Variants in BBS9 observed in about 807,000 individuals in gnomAD.
BBS9 encodes the protein Bardet-Biedl syndrome 9, also known as protein PTHB1.
In BBS9, 89 loss-of-function variants were observed where a neutral mutation model predicts 117.7. The observed-to-expected ratio is 0.76, with a 90% CI of 0.64 to 0.90. The LOEUF is 0.90. BBS9 is among the 40% of genes least tolerant of loss of function. The pLI is 0.00. For missense variants in BBS9, 982 were observed against 1,042.2 expected (o/e 0.94, Z 0.80); for synonymous variants, 379 against 370.9 (o/e 1.02, Z -0.25).
At chr7:33,331,971 C>A (rs1392977112) in intron 9 of BBS9, among the ~76,000 whole-genome samples, 2 of 152,040 alleles carry the variant, frequency 1.3e-5, no homozygotes, top group Non-Finnish European at 1.5e-5. Flanking sequence ...TCTTATGGAA[C>A]CAAAAAAGAG....
upstream of BBS9, chr7:33,129,288 G>A: frequency 1.8e-6 from 1 of 553,480 alleles, no homozygotes. Flanking sequence ...CGCGGCCGGG[G>A]GGGCGTGGCC....
At chr7:33,307,413 G>A (rs1205649206) in intron 9 of BBS9, among the ~76,000 whole-genome samples, 2 of 151,904 alleles carry the variant, frequency 1.3e-5, no homozygotes, top group African/African-American at 4.8e-5. Flanking sequence ...TTTCAAAAAA[G>A]TTTCTTATTA....
chr7:33,222,868 A>G (rs923363425), intron 5 of BBS9, among the ~76,000 whole-genome samples: 2 of 151,494 alleles, frequency 1.3e-5, no homozygotes, highest in African/African-American at 2.4e-5. Flanking sequence ...TGAAAGAATC[A>G]CTTGAGTCTG....
chr7:33,575,857 C>T (rs182941929), intron 21 of BBS9, among the ~76,000 whole-genome samples: 197 of 146,666 alleles, frequency 1.3e-3, no homozygotes, highest in African/African-American at 5.2e-3. Context: ...ATTCAACAGC[C>T]CTTCATGCTA....
intron 19 of BBS9, among the ~76,000 whole-genome samples, chr7:33,432,368 CA>C (rs762513252): frequency 2.6e-5 from 4 of 151,880 alleles, no homozygotes; most frequent in Non-Finnish European, 5.9e-5. Flanking sequence ...CTCGGCCTCC[CA>C]AAGTGCTGGG....
rs59252892 is a variant in BBS9 at position 33,357,948 on chromosome 7, C to G, written c.1646C>G (p.Thr549Ser). 4.3e-6 allele frequency: 7 copies of G among 1,612,578 alleles called. No homozygotes were observed. Among genetic ancestry groups the G allele is most frequent in the South Asian group, 1.1e-5 (1 of 91,050 alleles). The stretch of plus-strand genomic sequence containing the variant: ...TCAAAAACTGCAAGCCACAAAATTA[C>G]TATTGATACCAACAAATCTCCAGTC... ...QPSKTASHKI[T>S]IDTNKSPVSL... Residue 549 changes from threonine (T) to serine (S), a missense_variant, in exon 16 of 23, where the codon ACT (threonine) becomes AGT (serine). Physicochemically the swap from Thr to Ser is moderately conservative, Grantham distance 58. Coordinates refer to ENST00000242067, the MANE Select transcript of BBS9 (RefSeq NM_198428.3).
At chr7:33,359,888 A>T (rs2128692986) in intron 16 of BBS9, among the ~76,000 whole-genome samples, 1 of 152,218 alleles carries the variant, frequency 6.6e-6, no homozygotes, top group East Asian at 1.9e-4. Context: ...GAAAATGTGG[A>T]TAACCAAAAG....
intron 19 of BBS9, among the ~76,000 whole-genome samples, chr7:33,402,204 C>T (rs531777783): frequency 1.3e-3 from 200 of 152,164 alleles, no homozygotes; most frequent in Middle Eastern, 3.4e-3. Context: ...TCAAGGGGAT[C>T]CCTGTTGCCT....
intron 5 of BBS9, among the ~76,000 whole-genome samples, chr7:33,220,474 G>C (rs1482582903): frequency 1.3e-5 from 2 of 152,190 alleles, no homozygotes; most frequent in Non-Finnish European, 2.9e-5. Context: ...GTGTCCTATT[G>C]TGGTCAGACT....
At chr7:33,294,636 T>G (rs1021544235) in intron 9 of BBS9, among the ~76,000 whole-genome samples, 11 of 152,210 alleles carry the variant, frequency 7.2e-5, no homozygotes, top group African/African-American at 2.7e-4. Flanking sequence ...AGTAATGTTC[T>G]TACTAAATAA....
At chr7:33,469,931 A>T (rs207467768) in intron 19 of BBS9, among the ~76,000 whole-genome samples, 1 of 152,140 alleles carries the variant, frequency 6.6e-6, no homozygotes, top group African/African-American at 2.4e-5. Flanking sequence ...CTTTTTCTCT[A>T]GAGTATATAC....
At chr7:33,395,269 C>T (rs968333515) in intron 19 of BBS9, among the ~76,000 whole-genome samples, 6 of 152,058 alleles carry the variant, frequency 3.9e-5, no homozygotes, top group African/African-American at 1.4e-4. Context: ...TCACTTATAC[C>T]TAAGTTTAGC....
At chr7:33,544,654 T>A (rs925678606) in intron 21 of BBS9, among the ~76,000 whole-genome samples, 1 of 152,132 alleles carries the variant, frequency 6.6e-6, no homozygotes, top group African/African-American at 2.4e-5. Flanking sequence ...AATGCTCTAT[T>A]TTTGTGCTGG....
chr7:33,282,319 C>T (rs562807587), intron 9 of BBS9, among the ~76,000 whole-genome samples: 346 of 152,248 alleles, frequency 2.3e-3, no homozygotes, highest in Admixed American at 4.3e-3. Context: ...TTTCTCTACA[C>T]ACGTGCAAAT....
rs1172282743 is a variant in BBS9, at chr7:33,492,265, A to T, written c.2116-13198A>T. On this transcript the variant is annotated intron_variant, in intron 19 of 22. Coordinates refer to ENST00000242067, the MANE Select transcript of BBS9 (RefSeq NM_198428.3). Reference sequence around the variant, plus strand: ...GTTGAGTGTTTAGCCAGGGAATAATAAATAATAATAATAATGTTAACCTTT... The same window carrying T: ...GTTGAGTGTTTAGCCAGGGAATAATTAATAATAATAATAATGTTAACCTTT... Among the ~76,000 whole-genome samples the T allele has an allele frequency of 5.3e-5, 8 of 151,744 alleles. No homozygotes were observed. In the East Asian group the frequency reaches 5.8e-4, roughly 11 times the overall value.
At chr7:33,534,375 C>T (rs114489178) in intron 21 of BBS9, 199 bp downstream of exon 21, 14,506 of 632,440 alleles carry the variant, frequency 0.023, 221 homozygotes, top group African/African-American at 0.055. Context: ...TAGACATTTC[C>T]AGAATGGTAT....
At chr7:33,408,403 G>C (rs904731106) in intron 19 of BBS9, among the ~76,000 whole-genome samples, 5 of 152,126 alleles carry the variant, frequency 3.3e-5, no homozygotes, top group African/African-American at 9.7e-5. Context: ...GTGAGGCAAT[G>C]CCTCACCCTG....
intron 21 of BBS9, among the ~76,000 whole-genome samples, chr7:33,629,230 A>T (rs1865778407): frequency 1.3e-5 from 2 of 152,220 alleles, no homozygotes; most frequent in Non-Finnish European, 1.5e-5. Flanking sequence ...GAGAATGTAC[A>T]TTTTGTGTGA....
At chr7:33,276,680 GA>G (rs1348000994) in intron 9 of BBS9, among the ~76,000 whole-genome samples, 1 of 152,222 alleles carries the variant, frequency 6.6e-6, no homozygotes, top group Non-Finnish European at 1.5e-5. Flanking sequence ...AAACTAGCAA[GA>G]GCATCTGCAG....
Sources: allele counts gnomAD v4.1 joint callset (sites outside exome capture counted in the v4.1 genomes callset), GRCh38; gene constraint gnomAD v4.1.1; transcripts MANE v1.5; gene names NCBI Gene and HGNC (gene_info 2026-07-23, HGNC 2026-07-21).